CTSA: variants seen among roughly 807,000 people sequenced by gnomAD.
CTSA encodes cathepsin A.
In CTSA, 42 loss-of-function variants were observed where a neutral mutation model predicts 66.7. That is an observed-to-expected ratio of 0.63 (90% CI 0.49 to 0.81). The LOEUF (loss-of-function observed/expected upper bound fraction) is 0.81, where lower values mean the gene tolerates loss of function less well. Among genes scored for constraint, CTSA ranks in the 40% least tolerant of loss-of-function variants. CTSA has a pLI of 0.00. For synonymous variants in CTSA, 225 were observed against 248.6 expected, an observed-to-expected ratio of 0.91 and a Z score of 0.89; for missense variants, 525 against 610.9, an observed-to-expected ratio of 0.86 and a Z score of 1.48.
intron 8 of CTSA, chr20:45,894,421 G>A (rs966177140): frequency 1.6e-6 from 1 of 623,052 alleles, no homozygotes; most frequent in African/African-American, 1.8e-5. Context: ...GAAACTGAGG[G>A]CTATGAATTT....
Position 45,893,990 on chromosome 20 carries a change from T to C in CTSA, c.695T>C (p.Leu232Pro), listed in dbSNP as rs912159817. ...CTTTTCACTCTCATCTCCTACAGGC[T>C]TTGGTCTTCTCTCCAGACCCACTGC... ...AYYHGLLGNRLWSSLQTHCCS... is the reference protein window; with the variant it reads ...AYYHGLLGNRPWSSLQTHCCS... Residue 232 changes from leucine to proline, a missense_variant and splice_region_variant, in exon 8 of 15, where the codon CTT becomes CCT. Physicochemically the swap from Leu to Pro is moderately conservative, Grantham distance 98. This residue lies in a region of CTSA where 5 missense variants were observed against 22.4 expected (regional missense o/e 0.22). Coordinates refer to ENST00000646241, the MANE Select transcript of CTSA (RefSeq NM_000308.4). 1.2e-6 allele frequency: 2 copies of C among 1,602,810 alleles called. No homozygotes were observed. The highest frequency in any genetic ancestry group is 2.7e-5 in the African/African-American group (2 of 74,804).
Position 45,891,491 on chromosome 20 carries a change from G to C in CTSA, c.1-78G>C. On this transcript the variant is annotated intron_variant, in intron 1 of 14. Coordinates refer to ENST00000646241, the MANE Select transcript of CTSA (RefSeq NM_000308.4). The surrounding 1 kb of genome is among the most constrained non-coding windows in gnomAD (Gnocchi z 4.6). ...GGGCCGGGGCTTCCCTCGCGGAGGC[G>C]CCGCCAGCAACTCCCCGGGGGCTGC... is the stretch of plus-strand genomic sequence containing the variant. 2 of 1,548,448 alleles carry C rather than the reference G, an allele frequency of 1.3e-6. No homozygotes were observed. Among genetic ancestry groups the C allele is most frequent in the Non-Finnish European group, 1.7e-6 (2 of 1,147,392 alleles).
chr20:45,893,862 C>A (rs1405727248), intron 7 of CTSA, 126 bp from the exon 8 acceptor site: 1 of 752,716 alleles, frequency 1.3e-6, no homozygotes, highest in African/African-American at 1.7e-5. Flanking sequence ...ACAGACCACA[C>A]CCTGTGATAT....
Position 45,895,032 on chromosome 20 carries a change from C to T in CTSA, c.987C>T (p.Pro329=), listed in dbSNP as rs761023765. The change falls in exon 11 of 15, where the codon CCC becomes CCT. Residue 329 remains proline, a synonymous_variant. Coordinates refer to ENST00000646241, the MANE Select transcript of CTSA (RefSeq NM_000308.4). ...CAGGGGATAAAGTGCGCATGGACCC[C>T]CCCTGCACCAACACAACAGCTGCTT... ...LRSGDKVRMD[P]PCTNTTAAST... The T allele has an allele frequency of 1.4e-5, 23 of 1,614,014 alleles. No homozygotes were observed. Among genetic ancestry groups the T allele is most frequent in the East Asian group, 8.9e-5 (4 of 44,882 alleles).
At chr20:45,894,583 A>G (rs1222984501) in intron 8 of CTSA, 67 bp from the exon 9 acceptor site, 2 of 1,395,574 alleles carry the variant, frequency 1.4e-6, no homozygotes, top group Middle Eastern at 1.8e-4. Flanking sequence ...AAATCTTGGG[A>G]CAACTTGGTG....
chr20:45,897,938 A>G, intron 13 of CTSA, 67 bp from the exon 14 acceptor site: 1 of 1,579,130 alleles, frequency 6.3e-7, no homozygotes, highest in East Asian at 2.2e-5. Context: ...CCCAGCCCTA[A>G]GGTCTTGCTG....
In CTSA at chr20:45,891,482, C is replaced by A; in HGVS notation, c.1-87C>A. On this transcript the variant is annotated intron_variant, in intron 1 of 14. Transcript: ENST00000646241. The surrounding 1 kb of genome is among the most constrained non-coding windows in gnomAD (Gnocchi z 4.6). ...CTGGCGCTGGGGCCGGGGCTTCCCT[C>A]GCGGAGGCGCCGCCAGCAACTCCCC... 1 of 1,547,146 alleles carries A rather than the reference C, an allele frequency of 6.5e-7. No individual in the cohort carries two copies. The highest frequency in any genetic ancestry group is 1.2e-5 in the South Asian group (1 of 84,834).
Position 45,892,998 on chromosome 20 carries a change from A to T in CTSA, c.600+118A>T, listed in dbSNP as rs576990081. ...ACCCAGCTTCCTGCATAACCTCCCCACCACCGGCTGCCCTAGGTCTGTCTG... is the reference window on the plus strand; with the variant it reads ...ACCCAGCTTCCTGCATAACCTCCCCTCCACCGGCTGCCCTAGGTCTGTCTG... On this transcript the variant is annotated intron_variant, in intron 6 of 14. Transcript: ENST00000646241. The T allele has an allele frequency of 5.5e-4, 674 of 1,234,156 alleles. 9 individuals carry two copies. In the South Asian group the frequency reaches 7.7e-3, roughly 14 times the overall value. The allele number at this position is 1,234,156 out of a possible 1,614,324, so 76.5% of individuals were successfully genotyped here.
At chr20:45,897,876 T>C in intron 13 of CTSA, 70 bp downstream of exon 13, 2 of 1,489,476 alleles carry the variant, frequency 1.3e-6, no homozygotes, top group Non-Finnish European at 1.9e-6. Context: ...TGCCTGGGAG[T>C]GGCCAGCTGG....
In CTSA at chr20:45,895,118, A is replaced by C. The variant is rs543752177; in HGVS notation, c.1073A>C (p.Gln358Pro). ...CTCAACATCCCGGAGCAGCTGCCAC[A>C]ATGGGACATGTGCAAGTGAGGTTCC... ...KALNIPEQLPQWDMCNFLVNL... is the reference protein window; with the variant it reads ...KALNIPEQLPPWDMCNFLVNL... Residue 358 changes from glutamine (Q) to proline (P), a missense_variant, in exon 11 of 15, where the codon CAA becomes CCA. Around this residue, in one of 3 missense-constraint regions of CTSA, gnomAD observed 274 missense variants for 321.1 expected, o/e 0.85. Transcript: ENST00000646241. 27 of 1,614,058 alleles carry C rather than the reference A, an allele frequency of 1.7e-5. No individual in the cohort carries two copies. The African/African-American group carries it at 3.5e-4, about 21-fold the overall frequency.
rs1196853805 is a variant in CTSA, at chr20:45,897,708, C to T, written c.1165-9C>T. On this transcript the variant is annotated splice_polypyrimidine_tract_variant and intron_variant, in intron 12 of 14. Coordinates refer to ENST00000646241, the MANE Select transcript of CTSA (RefSeq NM_000308.4). ...CCACACCCCTCATTTTTACCCCATC[C>T]TGCTTTAGAAATACCAGATCCTATT... 1 of 1,574,678 alleles carries T rather than the reference C, an allele frequency of 6.4e-7. No homozygotes were observed. Among genetic ancestry groups the T allele is most frequent in the Non-Finnish European group, 8.7e-7 (1 of 1,144,136 alleles).
intron 8 of CTSA, 80 bp from the exon 9 acceptor site, chr20:45,894,570 A>G: frequency 4.8e-6 from 6 of 1,250,782 alleles, no homozygotes; most frequent in Non-Finnish European, 7.1e-6. Context: ...ATCCAAGAGC[A>G]GTAAATCTTG....
At chr20:45,892,918 A>G (rs1037990043) in intron 6 of CTSA, 38 bp downstream of exon 6, 5 of 1,611,554 alleles carry the variant, frequency 3.1e-6, no homozygotes, top group Non-Finnish European at 3.4e-6. Context: ...AGGTAGCTTG[A>G]GGCTGTGGCC....
intron 12 of CTSA, 58 bp from the exon 13 acceptor site, chr20:45,897,659 G>T (rs1020948730): frequency 1.9e-6 from 2 of 1,027,480 alleles, no homozygotes; most frequent in African/African-American, 3.1e-5. Context: ...TTGAACTAGG[G>T]AAGGGCTGGG....
intron 8 of CTSA, 196 bp downstream of exon 8, chr20:45,894,268 C>T: frequency 1.5e-6 from 1 of 657,286 alleles, no homozygotes; most frequent in Non-Finnish European, 2.7e-6. Flanking sequence ...ATCCCATAAC[C>T]TCCGTGAGGA....
intron 6 of CTSA, 123 bp downstream of exon 6, chr20:45,893,003 C>A: frequency 8.3e-7 from 1 of 1,204,878 alleles, no homozygotes; most frequent in Non-Finnish European, 1.2e-6. Context: ...TCCCCACCAC[C>A]GGCTGCCCTA....
Position 45,896,920 on chromosome 20 carries a change from G to A in CTSA, c.1089-45G>A, listed in dbSNP as rs552979626. Reference sequence around the variant, plus strand: ...AGGTCTGATCTGTTGACTACTTTTCGCCCCGACCTGGTCTTCCTGGGGCCT... The same window carrying A: ...AGGTCTGATCTGTTGACTACTTTTCACCCCGACCTGGTCTTCCTGGGGCCT... On this transcript the variant is annotated intron_variant, in intron 11 of 14. Transcript: ENST00000646241. The A allele has an allele frequency of 1.1e-5, 16 of 1,521,434 alleles. No individual in the cohort carries two copies. The East Asian group carries it at 1.6e-4, about 15-fold the overall frequency. 94.2% of individuals were successfully genotyped at this position (1,521,434 alleles called of 1,614,324 possible). A position where few individuals can be genotyped will look rare whatever the true frequency, so the allele number is the denominator to read the frequency against.
At chr20:45,892,933 A>T (rs758698751) in intron 6 of CTSA, 53 bp downstream of exon 6, 3 of 1,600,904 alleles carry the variant, frequency 1.9e-6, no homozygotes, top group Non-Finnish European at 2.6e-6. Context: ...GTGGCCTTAC[A>T]GTTAGCAAGG....
chr20:45,898,335 G>T lies in CTSA; in HGVS notation c.1360-32G>T. 1.3e-6 allele frequency: 2 copies of T among 1,588,808 alleles called. No individual in the cohort carries two copies. Among genetic ancestry groups the T allele is most frequent in the East Asian group, 2.2e-5 (1 of 44,446 alleles). On this transcript the variant is annotated intron_variant, in intron 14 of 14. Coordinates refer to ENST00000646241, the MANE Select transcript of CTSA (RefSeq NM_000308.4). This position sits in a 1 kb window ranked among gnomAD's most constrained non-coding sequence, Gnocchi z 4.6. Reference sequence around the variant, plus strand: ...AGTTATATGGGGAGGAGGGAATGGTGGGGTCAGGAGCTCACGAACATTGCT... The same window carrying T: ...AGTTATATGGGGAGGAGGGAATGGTTGGGTCAGGAGCTCACGAACATTGCT...
Sources: allele counts gnomAD v4.1 joint callset, GRCh38; gene constraint gnomAD v4.1.1; regional missense constraint gnomAD v4.1.1; non-coding constraint Gnocchi (gnomAD v3.1); transcripts MANE v1.5; gene names NCBI Gene and HGNC (gene_info 2026-07-23, HGNC 2026-07-21).